The following HEMK2 variants were observed in gnomAD, a reference collection of about 807,000 sequenced individuals.
HEMK2 encodes HemK methyltransferase 2, ETF1 glutamine and histone H4 lysine.
chr21:28,788,772 C>T, the HEMK2 span, among the ~76,000 whole-genome samples: 1 of 151,380 alleles, frequency 6.6e-6, no homozygotes, highest in Non-Finnish European at 1.5e-5. Context: ...ACCAGACTCT[C>T]AGAACGTAAC....
At chr21:28,718,106 A>G in the HEMK2 span, among the ~76,000 whole-genome samples, 2 of 152,078 alleles carry the variant, frequency 1.3e-5, no homozygotes, top group Non-Finnish European at 2.9e-5. Context: ...GCATCCAGAG[A>G]TTTTGGTATG....
chr21:28,598,587 C>T, the HEMK2 span, among the ~76,000 whole-genome samples: 1 of 152,174 alleles, frequency 6.6e-6, no homozygotes, highest in African/African-American at 2.4e-5. Context: ...TTTCTCTTAG[C>T]TTATTTTAAT....
At chr21:28,652,587 C>A in the HEMK2 span, among the ~76,000 whole-genome samples, 3 of 152,072 alleles carry the variant, frequency 2.0e-5, no homozygotes, top group Non-Finnish European at 2.9e-5. Context: ...AATGGCAAAG[C>A]AGAAATATAG....
At chr21:28,746,873 G>C in the HEMK2 span, among the ~76,000 whole-genome samples, 1 of 152,230 alleles carries the variant, frequency 6.6e-6, no homozygotes, top group South Asian at 2.1e-4. Context: ...TGGAGGGCTT[G>C]ATAAGCCAGG....
At chr21:28,652,913 C>T in the HEMK2 span, among the ~76,000 whole-genome samples, 1 of 152,088 alleles carries the variant, frequency 6.6e-6, no homozygotes, top group Non-Finnish European at 1.5e-5. Flanking sequence ...TTTACAAATG[C>T]CAGGCAATTA....
the HEMK2 span, chr21:28,875,093 T>C: frequency 1.3e-5 from 2 of 152,348 alleles, no homozygotes; most frequent in African/African-American, 2.4e-5. Context: ...AAGCCACCGA[T>C]GCAGGCTGGA....
the HEMK2 span, among the ~76,000 whole-genome samples, chr21:28,841,614 C>T: frequency 6.7e-6 from 1 of 148,200 alleles, no homozygotes; most frequent in Non-Finnish European, 1.5e-5. Context: ...GGGAGCTAAG[C>T]TATGAGGACA....
the HEMK2 span, among the ~76,000 whole-genome samples, chr21:28,771,453 T>C: frequency 6.6e-6 from 1 of 150,612 alleles, no homozygotes; most frequent in Non-Finnish European, 1.5e-5. Context: ...TGGGGACTGC[T>C]ACTGGCACCT....
the HEMK2 span, among the ~76,000 whole-genome samples, chr21:28,653,576 T>C: frequency 2.0e-5 from 3 of 152,172 alleles, no homozygotes; most frequent in Non-Finnish European, 4.4e-5. Flanking sequence ...CAAGCACCCA[T>C]ATTAAAATCG....
chr21:28,868,965 TTTTCCC>T, the HEMK2 span, among the ~76,000 whole-genome samples: 1 of 152,084 alleles, frequency 6.6e-6, no homozygotes, highest in Non-Finnish European at 1.5e-5. Flanking sequence ...TTTCCTATCC[TTTTCCC>T]TTTCATTTTT....
the HEMK2 span, among the ~76,000 whole-genome samples, chr21:28,625,146 G>A: frequency 6.6e-6 from 1 of 152,110 alleles, no homozygotes; most frequent in South Asian, 2.1e-4. Context: ...CTGCCCATAG[G>A]TCAGTAGAAA....
At chr21:28,882,212 AG>A in the HEMK2 span, 4 of 1,607,156 alleles carry the variant, frequency 2.5e-6, no homozygotes, top group Non-Finnish European at 3.4e-6. Flanking sequence ...TGCTGTCTCT[AG>A]GGTACAAGCT....
chr21:28,848,079 G>C, the HEMK2 span, among the ~76,000 whole-genome samples: 4 of 152,104 alleles, frequency 2.6e-5, no homozygotes, highest in Non-Finnish European at 5.9e-5. Flanking sequence ...TGTTCTTTTT[G>C]CTTAGGATTG....
chr21:28,722,477 A>G, the HEMK2 span, among the ~76,000 whole-genome samples: 2 of 152,236 alleles, frequency 1.3e-5, no homozygotes, highest in Admixed American at 6.5e-5. Context: ...TGTTTCAAAA[A>G]TCAATTGAAA....
the HEMK2 span, among the ~76,000 whole-genome samples, chr21:28,757,839 G>T: frequency 3.2e-4 from 49 of 152,136 alleles, no homozygotes; most frequent in African/African-American, 1.1e-3. Context: ...AGTTTGTTCA[G>T]GAGCTTTTCC....
chr21:28,856,476 G>T, the HEMK2 span, among the ~76,000 whole-genome samples: 1 of 151,996 alleles, frequency 6.6e-6, no homozygotes, highest in Non-Finnish European at 1.5e-5. Flanking sequence ...TCCATGTAAT[G>T]AATGAAAAAT....
At chr21:28,788,442 T>C in the HEMK2 span, among the ~76,000 whole-genome samples, 5 of 151,888 alleles carry the variant, frequency 3.3e-5, no homozygotes, top group East Asian at 7.7e-4. Context: ...GCAAACATTG[T>C]ATGTTTTCAC....
At chr21:28,660,523 A>G in the HEMK2 span, among the ~76,000 whole-genome samples, 2 of 151,322 alleles carry the variant, frequency 1.3e-5, no homozygotes, top group African/African-American at 4.8e-5. Flanking sequence ...TATATTTATA[A>G]TATTTTTATC....
chr21:28,817,629 G>A, the HEMK2 span, among the ~76,000 whole-genome samples: 2 of 152,190 alleles, frequency 1.3e-5, no homozygotes, highest in African/African-American at 2.4e-5. Flanking sequence ...ACTAAGAAAG[G>A]AAGATGAAGG....
Sources: gnomAD v4.1 joint callset for allele counts (sites outside exome capture counted in the v4.1 genomes callset) on GRCh38, gnomAD v4.1.1 for gene constraint, MANE v1.5 for transcripts, NCBI Gene and HGNC (gene_info 2026-07-23, HGNC 2026-07-21) for gene names.